Variants in EGF observed in about 807,000 individuals in gnomAD.
EGF encodes pro-epidermal growth factor.
Under a neutral mutation model 143.8 loss-of-function variants are expected in EGF, and 95 were observed. That is an observed-to-expected ratio of 0.66 (90% CI 0.56 to 0.78). EGF has a LOEUF of 0.78. Among genes scored for constraint, EGF ranks in the 30% least tolerant of loss-of-function variants. The pLI, the probability that EGF is intolerant of heterozygous loss-of-function variation, is 0.00. For missense variants in EGF, 1,320 were observed against 1,470.9 expected, an observed-to-expected ratio of 0.90 and a Z score of 1.68; for synonymous variants, 510 against 510.5, an observed-to-expected ratio of 1.00 and a Z score of 0.01.
At chr4:109,982,891 G>A (rs1447876835) in intron 15 of EGF, among the ~76,000 whole-genome samples, 2 of 152,132 alleles carry the variant, frequency 1.3e-5, no homozygotes, top group Non-Finnish European at 2.9e-5. Flanking sequence ...GAAAACTGCT[G>A]TCTTACAGAA....
chr4:109,980,445 G>A (rs1198594010), intron 14 of EGF, among the ~76,000 whole-genome samples: 1 of 152,110 alleles, frequency 6.6e-6, no homozygotes, highest in South Asian at 2.1e-4. Context: ...TCGACACTTG[G>A]ACCTTTCCAT....
chr4:109,993,497 C>A, intron 19 of EGF, 128 bp downstream of exon 19: 1 of 1,308,266 alleles, frequency 7.6e-7, no homozygotes, highest in Non-Finnish European at 1.1e-6. Flanking sequence ...GCTGGCTTTC[C>A]TGATTAGGAC....
chr4:109,981,894 T>C (rs1749424919), intron 15 of EGF, among the ~76,000 whole-genome samples: 1 of 151,910 alleles, frequency 6.6e-6, no homozygotes, highest in Non-Finnish European at 1.5e-5. Flanking sequence ...AAATTAATAA[T>C]TCTTATTGAT....
At position 109,994,869 on chromosome 4, in the gene EGF, G is replaced by A. The variant is rs751611102; in HGVS notation, c.2994G>A (p.Lys998=). 3 of 1,614,024 alleles carry A rather than the reference G, an allele frequency of 1.9e-6. No homozygotes were observed. Among genetic ancestry groups the A allele is most frequent in the Admixed American group, 3.3e-5 (2 of 60,006 alleles). The change falls in exon 20 of 24, where the codon AAG becomes AAA. Residue 998 remains lysine (K), a synonymous_variant. Coordinates refer to ENST00000265171, the MANE Select transcript of EGF (RefSeq NM_001963.6). ...GVCMYIEALD[K]YACNCVVGYI... ...GCATGTATATTGAAGCATTGGACAA[G>A]TATGCATGCAAGTAAGTTAAACTGT...
chr4:109,915,867 C>G (rs542147792), intron 1 of EGF, among the ~76,000 whole-genome samples: 1 of 152,284 alleles, frequency 6.6e-6, no homozygotes, highest in African/African-American at 2.4e-5. Context: ...CAAGTGATAG[C>G]AACACAATTA....
intron 5 of EGF, among the ~76,000 whole-genome samples, chr4:109,952,246 T>C (rs1349542421): frequency 6.6e-6 from 1 of 152,244 alleles, no homozygotes; most frequent in Non-Finnish European, 1.5e-5. Flanking sequence ...AAGGTCCAAA[T>C]ATTTTTGCTT....
intron 5 of EGF, among the ~76,000 whole-genome samples, chr4:109,947,807 AGTGTTTTCATG>A (rs1300128422): frequency 6.6e-6 from 1 of 152,216 alleles, no homozygotes; most frequent in Non-Finnish European, 1.5e-5. Context: ...GAATTTTCAA[AGTGTTTTCATG>A]GGCTTTAGTT....
At chr4:109,918,063 G>A (rs1737012793) in intron 1 of EGF, among the ~76,000 whole-genome samples, 1 of 152,156 alleles carries the variant, frequency 6.6e-6, no homozygotes. Context: ...ACATGTGTAT[G>A]TAATGAACAT....
intron 15 of EGF, among the ~76,000 whole-genome samples, chr4:109,982,572 C>T (rs1276649936): frequency 2.0e-5 from 3 of 152,172 alleles, no homozygotes; most frequent in African/African-American, 7.2e-5. Context: ...ATGTGATCCA[C>T]CCGCCTTGGC....
rs1423337045 is a variant in EGF at position 109,987,966 on chromosome 4, A to T, written c.2608+106A>T. ...CCAGAAGGATTTATGTAATCAGCAG[A>T]TTTGAATAAGTTATTTGATGTTAGC... On this transcript the variant is annotated intron_variant, in intron 17 of 23. Coordinates refer to ENST00000265171, the MANE Select transcript of EGF (RefSeq NM_001963.6). The T allele has an allele frequency of 5.6e-6, 5 of 899,114 alleles. 1 individual carries two copies. In the East Asian group the frequency reaches 9.8e-5, roughly 18 times the overall value. 55.7% of individuals were successfully genotyped at this position (899,114 alleles called of 1,614,324 possible).
chr4:109,982,124 TTATTTAAATTATTAATTATTAATG>T (rs1375885474), intron 15 of EGF, among the ~76,000 whole-genome samples: 3 of 150,334 alleles, frequency 2.0e-5, no homozygotes, highest in Non-Finnish European at 4.4e-5. Flanking sequence ...TTTATTTAAT[TTATTTAAATTATTAATTATTAATG>T]TATTTAAATT....
chr4:109,937,893 A>G (rs11932661), intron 1 of EGF, among the ~76,000 whole-genome samples: 18,874 of 152,130 alleles, frequency 0.12, 1,677 homozygotes, highest in African/African-American at 0.24. Context: ...TGTTAGTCTG[A>G]TGGGCTTCCC....
At chr4:109,943,162 T>C in intron 2 of EGF, 92 bp from the exon 3 acceptor site, 1 of 922,030 alleles carries the variant, frequency 1.1e-6, no homozygotes, top group South Asian at 2.0e-5. Context: ...GACAAATACT[T>C]AAAAGAATAG....
chr4:110,008,268 T>C, intron 23 of EGF, 38 bp downstream of exon 23: 1 of 1,610,924 alleles, frequency 6.2e-7, no homozygotes, highest in South Asian at 1.1e-5. Context: ...AATGGTTATT[T>C]TTACTTAGAT....
intron 15 of EGF, 96 bp from the exon 16 acceptor site, chr4:109,983,326 C>A: frequency 7.0e-7 from 1 of 1,424,114 alleles, no homozygotes; most frequent in Non-Finnish European, 9.7e-7. Context: ...TGAGTCTGAA[C>A]TCACAACCAA....
chr4:109,934,647 C>A (rs1740427656), intron 1 of EGF, among the ~76,000 whole-genome samples: 2 of 152,224 alleles, frequency 1.3e-5, no homozygotes, highest in African/African-American at 4.8e-5. Flanking sequence ...ATGCCTATGT[C>A]CTGAATGGTA....
chr4:109,944,425 C>T (rs925204134), intron 4 of EGF, among the ~76,000 whole-genome samples: 1 of 152,168 alleles, frequency 6.6e-6, no homozygotes, highest in Non-Finnish European at 1.5e-5. Flanking sequence ...GGCGACAGAG[C>T]GAGACTCCGT....
intron 2 of EGF, among the ~76,000 whole-genome samples, chr4:109,942,278 G>A (rs752705814): frequency 6.6e-6 from 1 of 152,138 alleles, no homozygotes; most frequent in Non-Finnish European, 1.5e-5. Flanking sequence ...CTTCCTTTGG[G>A]TTAAAACCTT....
At chr4:109,947,142 T>G (rs1326984949) in intron 5 of EGF, among the ~76,000 whole-genome samples, 2 of 149,466 alleles carry the variant, frequency 1.3e-5, no homozygotes, top group Admixed American at 6.7e-5. Context: ...AAAAAAAAAG[T>G]TGTTAGGTTT....
Sources: gnomAD v4.1 joint callset for allele counts (sites outside exome capture counted in the v4.1 genomes callset) on GRCh38, gnomAD v4.1.1 for gene constraint, MANE v1.5 for transcripts, NCBI Gene and HGNC (gene_info 2026-07-23, HGNC 2026-07-21) for gene names.